Variants in SASH1 observed in about 807,000 individuals in gnomAD.
SASH1 encodes SAM and SH3 domain-containing protein 1.
SASH1 carries 44 observed loss-of-function variants against 125.2 expected under a neutral mutation model. The observed-to-expected ratio is 0.35, with a 90% CI of 0.28 to 0.45. SASH1 has a LOEUF of 0.45. Among genes scored for constraint, SASH1 ranks in the 20% least tolerant of loss-of-function variants. The probability of loss-of-function intolerance (pLI) is 1.00; values close to 1 mark genes in which losing one functional copy is unlikely to be tolerated. For synonymous variants in SASH1, 639 were observed against 649.1 expected, an observed-to-expected ratio of 0.98 and a Z score of 0.24; for missense variants, 1,426 against 1,614.5, an observed-to-expected ratio of 0.88 and a Z score of 2.00.
chr6:148,421,169 G>GAAAGAAAGAAAGAAAGAAAGAAAA (rs1785067808), intron 2 of SASH1, among the ~76,000 whole-genome samples: 3 of 124,936 alleles, frequency 2.4e-5, no homozygotes, highest in African/African-American at 8.5e-5. Context: ...AAGAAAGAAA[G>GAAAGAAAGAAAGAAAGAAAGAAAA]AAAGAAAGAA....
chr6:148,233,925 A>T, the SASH1 span, among the ~76,000 whole-genome samples: 1 of 151,698 alleles, frequency 6.6e-6, no homozygotes, highest in South Asian at 2.1e-4. Flanking sequence ...AAAAAAAAAA[A>T]CTAAATGTTC....
rs1782825065 is a variant in SASH1, at chr6:148,550,514, G to A, written c.*1956G>A. 1 of 152,116 alleles carries A rather than the reference G, an allele frequency of 6.6e-6. No individual in the cohort carries two copies. The highest frequency in any genetic ancestry group is 2.1e-4 in the South Asian group (1 of 4,832). The allele number at this position is 152,116 out of a possible 1,614,324, so 9.4% of individuals were successfully genotyped here. ...TATGCATTTTTAAAAAATAATGCAT[G>A]TTTCTTTAATAATTAATTTTCATCT... On this transcript the variant is annotated 3_prime_UTR_variant, in exon 20 of 20. Transcript: ENST00000367467.
intron 1 of SASH1, among the ~76,000 whole-genome samples, chr6:148,375,346 G>T (rs913593429): frequency 1.3e-5 from 2 of 151,894 alleles, no homozygotes; most frequent in Non-Finnish European, 2.9e-5. Context: ...AGACAGTCTA[G>T]TGAAGAGGTT....
the SASH1 span, among the ~76,000 whole-genome samples, chr6:148,243,450 A>AAATAATAATAATAAT: frequency 8.1e-3 from 1,118 of 138,524 alleles, 6 homozygotes; most frequent in Non-Finnish European, 0.011. Context: ...AATTCCATCT[A>AAATAATAATAATAAT]AATAATAATA....
Position 148,276,462 on chromosome 6 carries a change from G to A in SASH1, n.74+4085G>A, listed in dbSNP as rs56367958. On this transcript the variant is annotated intron_variant and non_coding_transcript_variant, in intron 1 of 3. Coordinates refer to the SASH1 transcript ENST00000367469. ...TTACAGCCACTTCTCAGATCACTTC[G>A]GTGACTAAAATAAAATAAAACCTAG... Among the ~76,000 whole-genome samples, 837 of 152,120 alleles carry A rather than the reference G, an allele frequency of 5.5e-3. 8 individuals are homozygous for A. The highest frequency in any genetic ancestry group is 0.019 in the African/African-American group (800 of 41,492).
At chr6:148,239,321 G>A in the SASH1 span, among the ~76,000 whole-genome samples, 1 of 152,072 alleles carries the variant, frequency 6.6e-6, no homozygotes, top group Admixed American at 6.5e-5. Context: ...ATCCTGTCCC[G>A]TTGTCACCAT....
chr6:148,302,622 CAT>C (rs1194251452), intron 1 of SASH1, among the ~76,000 whole-genome samples: 5 of 144,132 alleles, frequency 3.5e-5, no homozygotes, highest in East Asian at 2.1e-4. Flanking sequence ...ACGCAGAAAT[CAT>C]ATATATATAG....
intron 1 of SASH1, among the ~76,000 whole-genome samples, chr6:148,309,653 T>C (rs933300118): frequency 3.4e-5 from 5 of 144,944 alleles, no homozygotes; most frequent in Non-Finnish European, 7.5e-5. Context: ...TTATGTTACC[T>C]TCTCATGTTG....
At chr6:148,203,340 T>A in the SASH1 span, among the ~76,000 whole-genome samples, 2 of 152,196 alleles carry the variant, frequency 1.3e-5, no homozygotes, top group East Asian at 3.9e-4. Context: ...GTGTCTTCAT[T>A]CACTCTCTTC....
At position 148,544,302 on chromosome 6, in the gene SASH1, A is replaced by C; in HGVS notation, c.2832A>C (p.Ala944=). The C allele has an allele frequency of 6.2e-7, 1 of 1,614,128 alleles. No individual in the cohort carries two copies. The highest frequency in any genetic ancestry group is 8.5e-7 in the Non-Finnish European group (1 of 1,180,026). ...AQPPGAKHGL[A]RTPLEGHRKG... is the part of the protein sequence containing the mutation. ...CTCCTGGAGCTAAACACGGTTTAGC[A>C]AGGACGCCTCTGGAGGGCCACAGAA... Residue 944 remains alanine, a synonymous_variant, in exon 18 of 20, where the codon GCA becomes GCC. Coordinates refer to ENST00000367467, the MANE Select transcript of SASH1 (RefSeq NM_015278.5). The surrounding 1 kb of genome is among the most constrained non-coding windows in gnomAD (Gnocchi z 6.4).
At chr6:148,230,081 G>A in the SASH1 span, among the ~76,000 whole-genome samples, 2 of 152,058 alleles carry the variant, frequency 1.3e-5, no homozygotes, top group East Asian at 3.9e-4. Flanking sequence ...CCCTAACCCA[G>A]CCCCTAAGCA....
At chr6:148,457,030 T>C (rs1777389924) in intron 4 of SASH1, among the ~76,000 whole-genome samples, 1 of 151,322 alleles carries the variant, frequency 6.6e-6, no homozygotes, top group African/African-American at 2.4e-5. Flanking sequence ...TTTATTTTGC[T>C]TTTGATAATA....
intron 7 of SASH1, among the ~76,000 whole-genome samples, chr6:148,486,882 A>G (rs1375588006): frequency 7.4e-6 from 1 of 135,170 alleles, no homozygotes; most frequent in Non-Finnish European, 1.6e-5. Context: ...TGATTGCACC[A>G]CTGCATTGTA....
the SASH1 span, among the ~76,000 whole-genome samples, chr6:148,231,830 A>C: frequency 7.9e-5 from 12 of 152,118 alleles, no homozygotes; most frequent in African/African-American, 2.9e-4. Context: ...CCTGTTCATC[A>C]GGAATGTTGT....
intron 1 of SASH1, among the ~76,000 whole-genome samples, chr6:148,386,611 A>G (rs1035925606): frequency 1.3e-5 from 2 of 152,196 alleles, no homozygotes; most frequent in South Asian, 2.1e-4. Flanking sequence ...TATTTGGTCA[A>G]AGTGGCAGGT....
At chr6:148,506,642 C>A (rs1779818717) in intron 8 of SASH1, among the ~76,000 whole-genome samples, 1 of 152,186 alleles carries the variant, frequency 6.6e-6, no homozygotes, top group Admixed American at 6.5e-5. Context: ...AAGTGATTTG[C>A]TAGAGAACTT....
intron 1 of SASH1, among the ~76,000 whole-genome samples, chr6:148,290,624 G>A (rs1779606262): frequency 6.6e-6 from 1 of 151,918 alleles, no homozygotes; most frequent in African/African-American, 2.4e-5. Flanking sequence ...AGGAAATTAA[G>A]GGCGGTGCAA....
chr6:148,242,021 A>G, the SASH1 span, among the ~76,000 whole-genome samples: 1 of 152,232 alleles, frequency 6.6e-6, no homozygotes, highest in Non-Finnish European at 1.5e-5. Flanking sequence ...ATCTGATAGA[A>G]AGAGGTAAAC....
At chr6:148,198,914 G>A in the SASH1 span, among the ~76,000 whole-genome samples, 1 of 152,346 alleles carries the variant, frequency 6.6e-6, no homozygotes, top group East Asian at 1.9e-4. Context: ...GACAGGGCAA[G>A]TATTCTCCTC....
Sources: allele counts gnomAD v4.1 joint callset (sites outside exome capture counted in the v4.1 genomes callset), GRCh38; gene constraint gnomAD v4.1.1; non-coding constraint Gnocchi (gnomAD v3.1); transcripts MANE v1.5; gene names NCBI Gene and HGNC (gene_info 2026-07-23, HGNC 2026-07-21).